RAB3C: variants seen among roughly 807,000 people sequenced by gnomAD.
RAB3C encodes RAB3C, member RAS oncogene family.
In RAB3C, 17 loss-of-function variants were observed where a neutral mutation model predicts 26.4. That is an observed-to-expected ratio of 0.64 (90% CI 0.44 to 0.97). RAB3C has a LOEUF of 0.97. RAB3C is among the 50% of genes least tolerant of loss of function. The pLI, the probability that RAB3C is intolerant of heterozygous loss-of-function variation, is 0.00. For missense variants in RAB3C, 242 were observed against 281.9 expected (o/e 0.86, Z 1.01); for synonymous variants, 91 against 95.9 (o/e 0.95, Z 0.30).
At chr5:58,766,351 C>T (rs1050210442) in intron 3 of RAB3C, among the ~76,000 whole-genome samples, 3 of 151,948 alleles carry the variant, frequency 2.0e-5, no homozygotes, top group Admixed American at 6.6e-5. Context: ...CTCCTGACCT[C>T]GTGATCCACC....
intron 3 of RAB3C, among the ~76,000 whole-genome samples, chr5:58,745,810 C>T (rs185236404): frequency 3.4e-4 from 51 of 152,194 alleles, no homozygotes; most frequent in African/African-American, 1.2e-3. Context: ...CTTTATTGTA[C>T]TTTGCTGTAA....
chr5:58,740,466 A>T (rs1157835521), intron 3 of RAB3C, among the ~76,000 whole-genome samples: 2 of 152,186 alleles, frequency 1.3e-5, no homozygotes, highest in Non-Finnish European at 2.9e-5. Flanking sequence ...CATAAAGTTT[A>T]TATCCAGTTA....
At chr5:58,835,158 G>T (rs1743709515) in intron 4 of RAB3C, among the ~76,000 whole-genome samples, 1 of 152,052 alleles carries the variant, frequency 6.6e-6, no homozygotes, top group African/African-American at 2.4e-5. Context: ...TTTTTATGCT[G>T]CCCTTCTTCT....
intron 1 of RAB3C, among the ~76,000 whole-genome samples, chr5:58,592,759 G>A (rs1361083489): frequency 6.6e-6 from 1 of 151,980 alleles, no homozygotes; most frequent in Non-Finnish European, 1.5e-5. Flanking sequence ...CCTTTATAAT[G>A]TGAGTTCAGC....
chr5:58,707,028 G>A (rs545030704), intron 2 of RAB3C, among the ~76,000 whole-genome samples: 23 of 152,264 alleles, frequency 1.5e-4, no homozygotes, highest in Non-Finnish European at 3.2e-4. Context: ...CCATATTGAA[G>A]TGGGTCCTCT....
intron 2 of RAB3C, among the ~76,000 whole-genome samples, chr5:58,666,713 C>T (rs553838731): frequency 6.6e-6 from 1 of 152,264 alleles, no homozygotes; most frequent in East Asian, 1.9e-4. Context: ...GCCTGAGCTG[C>T]GGTCAGGGCA....
intron 2 of RAB3C, among the ~76,000 whole-genome samples, chr5:58,702,365 T>C (rs988643079): frequency 2.6e-5 from 4 of 152,208 alleles, no homozygotes; most frequent in Non-Finnish European, 4.4e-5. Context: ...CCAAACAGGC[T>C]GTTTTCTTTC....
intron 3 of RAB3C, among the ~76,000 whole-genome samples, chr5:58,742,201 C>G (rs1741290024): frequency 1.3e-5 from 2 of 152,142 alleles, no homozygotes; most frequent in Non-Finnish European, 2.9e-5. Context: ...CCTTGACATT[C>G]CTTCCTTCTT....
intron 2 of RAB3C, among the ~76,000 whole-genome samples, chr5:58,717,459 G>A (rs553104488): frequency 6.6e-6 from 1 of 152,230 alleles, no homozygotes; most frequent in East Asian, 1.9e-4. Context: ...AAGCTTCTGT[G>A]TGACAGACAT....
chr5:58,801,035 G>A (rs1284713085), intron 3 of RAB3C, among the ~76,000 whole-genome samples: 2 of 152,126 alleles, frequency 1.3e-5, no homozygotes, highest in African/African-American at 2.4e-5. Flanking sequence ...ATATCACTGG[G>A]GCTGCAAAAG....
chr5:58,797,209 CA>C (rs967053148), intron 3 of RAB3C, among the ~76,000 whole-genome samples: 1 of 151,410 alleles, frequency 6.6e-6, no homozygotes, highest in Non-Finnish European at 1.5e-5. Context: ...CTCTTGGACT[CA>C]AATCCAGTTT....
In RAB3C at chr5:58,617,875, G is replaced by A; in HGVS notation, c.252+5G>A. ...AGAATCAAGCTTCAGATTTGGGTAA[G>A]TGGCTTTGAACTGGCAGTGTTCTTC... On this transcript the variant is annotated splice_donor_5th_base_variant and intron_variant, in intron 2 of 4. Transcript: ENST00000282878. 1 of 1,586,736 alleles carries A rather than the reference G, an allele frequency of 6.3e-7. No homozygotes were observed. Among genetic ancestry groups the A allele is most frequent in the Non-Finnish European group, 8.6e-7 (1 of 1,158,496 alleles).
chr5:58,738,934 A>C (rs1741214485), intron 3 of RAB3C, among the ~76,000 whole-genome samples: 2 of 152,210 alleles, frequency 1.3e-5, no homozygotes, highest in Admixed American at 1.3e-4. Flanking sequence ...GATTTGTCTT[A>C]AAGGACAATA....
At chr5:58,751,854 T>A (rs1004016077) in intron 3 of RAB3C, among the ~76,000 whole-genome samples, 1 of 152,206 alleles carries the variant, frequency 6.6e-6, no homozygotes, top group Non-Finnish European at 1.5e-5. Flanking sequence ...GTCAGAGAAT[T>A]GTTGATTTTC....
rs55868904 is a variant in RAB3C, at chr5:58,793,531, C to CAA, written c.372-31489_372-31488dup. ...AAGATCGTGCCGCTGCACTCCACCTCAAAAAAAAAAAAAAAAAAATTCCTA... is the reference window on the plus strand; with the variant it reads ...AAGATCGTGCCGCTGCACTCCACCTCAAAAAAAAAAAAAAAAAAAAATTCCTA... On this transcript the variant is annotated intron_variant, in intron 3 of 4. Transcript: ENST00000282878. Among the ~76,000 whole-genome samples the CAA allele has an allele frequency of 2.6e-3, 181 of 68,978 alleles. 1 individual carries two copies. The highest frequency in any genetic ancestry group is 0.015 in the East Asian group (35 of 2,392). The allele number at this position is 68,978 out of a possible 152,430, so 45.3% of individuals were successfully genotyped here.
At chr5:58,649,886 A>G (rs1006055588) in intron 2 of RAB3C, among the ~76,000 whole-genome samples, 4 of 152,122 alleles carry the variant, frequency 2.6e-5, no homozygotes, top group African/African-American at 9.7e-5. Context: ...ACATCTGGAG[A>G]CTGCTGAAGA....
chr5:58,851,256 G>C lies in RAB3C; in HGVS notation c.589G>C (p.Glu197Gln), dbSNP rs1744108253. 6.2e-7 allele frequency: 1 copy of C among 1,613,988 alleles called. No individual in the cohort carries two copies. The highest frequency in any genetic ancestry group is 8.5e-7 in the Non-Finnish European group (1 of 1,179,924). The change falls in exon 5 of 5, where the codon GAG becomes CAG. Residue 197 changes from glutamate (E) to glutamine (Q), a missense_variant. Transcript: ENST00000282878. ...LVDIICDKMS[E>Q]SLETDPAITA... is the part of the protein sequence containing the mutation. ...GGATATCATCTGCGACAAAATGTCA[G>C]AGAGTTTGGAGACTGATCCTGCCAT...
chr5:58,809,684 C>T (rs1243082039), intron 3 of RAB3C, among the ~76,000 whole-genome samples: 1 of 151,626 alleles, frequency 6.6e-6, no homozygotes, highest in Non-Finnish European at 1.5e-5. Flanking sequence ...CATGTGGGTG[C>T]CCCCCTGACA....
intron 3 of RAB3C, among the ~76,000 whole-genome samples, chr5:58,748,612 A>G (rs893115648): frequency 1.3e-5 from 2 of 151,982 alleles, no homozygotes; most frequent in African/African-American, 4.8e-5. Flanking sequence ...GTGTGTGTGC[A>G]TGCATGTATG....
Sources: allele counts gnomAD v4.1 joint callset (sites outside exome capture counted in the v4.1 genomes callset), GRCh38; gene constraint gnomAD v4.1.1; transcripts MANE v1.5; gene names NCBI Gene and HGNC (gene_info 2026-07-23, HGNC 2026-07-21).